The following C12orf42 variants were observed in gnomAD, a reference collection of about 807,000 sequenced individuals.
C12orf42 encodes the protein chromosome 12 open reading frame 42.
Under a neutral mutation model 21.6 loss-of-function variants are expected in C12orf42, and 25 were observed. The ratio of observed to expected loss-of-function variants is 1.16; its 90% CI spans 0.84 to 1.62. The LOEUF (loss-of-function observed/expected upper bound fraction) is 1.62, where lower values mean the gene tolerates loss of function less well. Among genes scored for constraint, C12orf42 ranks in the 40% most tolerant of loss-of-function variants. The probability of loss-of-function intolerance (pLI) is 0.00; values close to 1 mark genes in which losing one functional copy is unlikely to be tolerated. For synonymous variants in C12orf42, 174 were observed against 175.0 expected (o/e 0.99, Z 0.05); for missense variants, 483 against 459.3 (o/e 1.05, Z -0.47).
chr12:103,494,321 A>G (rs1415593570), intron 1 of C12orf42, among the ~76,000 whole-genome samples: 2 of 152,140 alleles, frequency 1.3e-5, no homozygotes, highest in East Asian at 3.8e-4. Flanking sequence ...CCTTAGACCA[A>G]ATCTCCATAA....
At chr12:103,294,465 AG>A (rs1445050486) in intron 4 of C12orf42, among the ~76,000 whole-genome samples, 1,559 of 133,276 alleles carry the variant, frequency 0.012, 43 homozygotes, top group East Asian at 0.076. Context: ...AAAGAAAGAA[AG>A]AAAGAAATAA....
At chr12:103,449,415 C>G (rs544489394) in intron 2 of C12orf42, among the ~76,000 whole-genome samples, 1 of 92,696 alleles carries the variant, frequency 1.1e-5, no homozygotes, top group Admixed American at 1.4e-4. Context: ...ATGGATGCAC[C>G]AAAATCTCAG....
At chr12:103,396,301 C>A (rs979642987) in intron 3 of C12orf42, among the ~76,000 whole-genome samples, 4 of 152,078 alleles carry the variant, frequency 2.6e-5, no homozygotes, top group Non-Finnish European at 4.4e-5. Flanking sequence ...TCTCCTGACA[C>A]CTTGTGAAGA....
the C12orf42 span, among the ~76,000 whole-genome samples, chr12:103,071,409 A>G: frequency 6.6e-6 from 1 of 152,144 alleles, no homozygotes; most frequent in Non-Finnish European, 1.5e-5. Context: ...TAAAATTGAC[A>G]ACTCTGCTAC....
At chr12:103,229,789 A>G in the C12orf42 span, among the ~76,000 whole-genome samples, 30 of 152,212 alleles carry the variant, frequency 2.0e-4, no homozygotes, top group Non-Finnish European at 1.5e-4. Flanking sequence ...TCTCTAACAT[A>G]GTATTCTAGG....
chr12:103,479,756 A>G (rs934850337), intron 1 of C12orf42, among the ~76,000 whole-genome samples: 6 of 152,040 alleles, frequency 3.9e-5, no homozygotes, highest in African/African-American at 1.4e-4. Flanking sequence ...AATTTCCAAT[A>G]TTAAATGAAC....
the C12orf42 span, among the ~76,000 whole-genome samples, chr12:103,518,660 G>T: frequency 6.6e-6 from 1 of 152,220 alleles, no homozygotes; most frequent in East Asian, 1.9e-4. Flanking sequence ...CTTTCACACT[G>T]TATAGAGAAA....
the C12orf42 span, among the ~76,000 whole-genome samples, chr12:103,202,708 G>C: frequency 6.6e-6 from 1 of 152,148 alleles, no homozygotes; most frequent in African/African-American, 2.4e-5. Context: ...TCCTTCTAGG[G>C]CTCAGGCAGC....
the C12orf42 span, among the ~76,000 whole-genome samples, chr12:103,223,696 T>A: frequency 6.6e-6 from 1 of 152,004 alleles, no homozygotes; most frequent in Admixed American, 6.6e-5. Flanking sequence ...GGATGACAAG[T>A]TTTTTGGGGC....
Position 103,274,666 on chromosome 12 carries a change from T to C in C12orf42, n.398+2484A>G, listed in dbSNP as rs144681594. 3.6e-3 allele frequency among the ~76,000 whole-genome samples: 552 copies of C among 152,318 alleles called. 4 individuals carry two copies. The highest frequency in any genetic ancestry group is 6.8e-3 in the Middle Eastern group (2 of 292). ...CTGTGTGTGTCTGTGTGTGTATGCA[T>C]GCACATGAACATGCTCTTGTTTTAA... On this transcript the variant is annotated intron_variant and non_coding_transcript_variant, in intron 5 of 6. Coordinates refer to the C12orf42 transcript ENST00000546526.
chr12:103,533,405 T>G, the C12orf42 span, among the ~76,000 whole-genome samples: 1 of 152,206 alleles, frequency 6.6e-6, no homozygotes, highest in Admixed American at 6.5e-5. Context: ...TCGTCCATTG[T>G]GCTTTTGGTC....
intron 2 of C12orf42, among the ~76,000 whole-genome samples, chr12:103,412,140 C>A (rs1343320547): frequency 6.6e-6 from 1 of 152,206 alleles, no homozygotes; most frequent in East Asian, 1.9e-4. Flanking sequence ...GAAACTCTTT[C>A]TGAAGACTCA....
intron 10 of C12orf42, among the ~76,000 whole-genome samples, chr12:103,260,962 T>C (rs1177594188): frequency 1.3e-5 from 2 of 152,162 alleles, no homozygotes; most frequent in Non-Finnish European, 2.9e-5. Flanking sequence ...TTTTCTGATA[T>C]TTTTATCCTA....
At chr12:103,099,610 T>C in the C12orf42 span, among the ~76,000 whole-genome samples, 1 of 152,158 alleles carries the variant, frequency 6.6e-6, no homozygotes, top group South Asian at 2.1e-4. Context: ...ACTGAAAGAA[T>C]GAAGAAAGTA....
chr12:103,176,113 A>G, the C12orf42 span, among the ~76,000 whole-genome samples: 3 of 151,890 alleles, frequency 2.0e-5, no homozygotes, highest in Non-Finnish European at 2.9e-5. Context: ...CCCCAGTTCA[A>G]TACTACTCCT....
intron 4 of C12orf42, among the ~76,000 whole-genome samples, chr12:103,327,961 T>G (rs113166375): frequency 0.025 from 3,817 of 152,306 alleles, 177 homozygotes; most frequent in African/African-American, 0.086. Flanking sequence ...TATTTTGCAC[T>G]GAAAATTCCA....
At chr12:103,337,553 A>G (rs771414951) in intron 4 of C12orf42, among the ~76,000 whole-genome samples, 3 of 151,986 alleles carry the variant, frequency 2.0e-5, no homozygotes, top group Admixed American at 6.5e-5. Flanking sequence ...GGGGTTTCAC[A>G]ATGTTGGCCA....
intron 3 of C12orf42, among the ~76,000 whole-genome samples, chr12:103,396,090 TATAA>T (rs914719924): frequency 1.7e-4 from 26 of 151,056 alleles, no homozygotes; most frequent in African/African-American, 6.1e-4. Flanking sequence ...TGTTATATTA[TATAA>T]ATAGTTATAA....
the C12orf42 span, among the ~76,000 whole-genome samples, chr12:103,207,442 G>A: frequency 5.3e-5 from 8 of 152,282 alleles, no homozygotes; most frequent in South Asian, 4.1e-4. Context: ...AAATGCGTGC[G>A]CACACACGTG....
Sources: gnomAD v4.1 joint callset for allele counts (sites outside exome capture counted in the v4.1 genomes callset) on GRCh38, gnomAD v4.1.1 for gene constraint, MANE v1.5 for transcripts, NCBI Gene and HGNC (gene_info 2026-07-23, HGNC 2026-07-21) for gene names.